The following SPPL3 variants were observed in gnomAD, a reference collection of about 807,000 sequenced individuals.
SPPL3 encodes the protein signal peptide peptidase like 3.
Under a neutral mutation model 42.4 loss-of-function variants are expected in SPPL3, and 5 were observed. The ratio of observed to expected loss-of-function variants is 0.12; its 90% CI spans 0.06 to 0.25. The LOEUF (loss-of-function observed/expected upper bound fraction) is 0.25. Ranked by LOEUF, SPPL3 falls within the 10% of genes least tolerant of loss-of-function variation. The probability of loss-of-function intolerance (pLI) is 1.00; values close to 1 mark genes in which losing one functional copy is unlikely to be tolerated. For missense variants in SPPL3, 235 were observed against 489.0 expected (o/e 0.48, Z 4.90); for synonymous variants, 195 against 181.8 (o/e 1.07, Z -0.58).
Position 120,766,303 on chromosome 12 carries a change from G to T in SPPL3, c.1043C>A (p.Pro348Gln). 1 of 1,600,142 alleles carries T rather than the reference G, an allele frequency of 6.2e-7. No homozygotes were observed. Among genetic ancestry groups the T allele is most frequent in the South Asian group, 1.1e-5 (1 of 88,140 alleles). The part of the protein sequence containing the change: ...AAQPALLYLV[P>Q]FTLLPLLTMA... Reference sequence around the variant, plus strand: ...CGTGAGGAGTGGCAATAAAGTAAATGGCACCAAATAGAGAAGGGCGGGCTG... The same window carrying T: ...CGTGAGGAGTGGCAATAAAGTAAATTGCACCAAATAGAGAAGGGCGGGCTG... The change falls in exon 10 of 11, where the codon CCA (proline) becomes CAA (glutamine). Residue 348 changes from proline (P) to glutamine (Q), a missense_variant. This residue lies in a region of SPPL3 where 38 missense variants were observed against 105.2 expected (regional missense o/e 0.36). Coordinates refer to ENST00000353487, the MANE Select transcript of SPPL3 (RefSeq NM_139015.5).
intron 2 of SPPL3, among the ~76,000 whole-genome samples, chr12:120,809,969 A>T (rs1053880925): frequency 7.6e-5 from 11 of 144,320 alleles, no homozygotes; most frequent in Non-Finnish European, 1.2e-4. Flanking sequence ...TTAGGACAAC[A>T]TAAAAAAATT....
intron 1 of SPPL3, among the ~76,000 whole-genome samples, chr12:120,900,581 G>A (rs1190355771): frequency 7.1e-5 from 10 of 140,642 alleles, no homozygotes; most frequent in Admixed American, 7.5e-5. Flanking sequence ...ATGATAAAGT[G>A]AGACCCTGTC....
intron 2 of SPPL3, among the ~76,000 whole-genome samples, chr12:120,809,927 A>G (rs1383995867): frequency 1.3e-5 from 2 of 152,196 alleles, no homozygotes; most frequent in Admixed American, 6.5e-5. Context: ...GTAAATTTCC[A>G]TAAGGACATA....
intron 4 of SPPL3, chr12:120,784,254 C>A: frequency 2.7e-6 from 1 of 372,090 alleles, no homozygotes; most frequent in Non-Finnish European, 4.9e-6. Context: ...TCCAGCCTTT[C>A]TTTCAGATTG....
chr12:120,845,256 G>A (rs2137029366), intron 1 of SPPL3: 2 of 387,338 alleles, frequency 5.2e-6, no homozygotes, highest in South Asian at 2.2e-5. Context: ...CTGCATTCAC[G>A]GCATTGGAGA....
chr12:120,795,022 C>T (rs569624587), intron 2 of SPPL3, among the ~76,000 whole-genome samples: 1 of 152,312 alleles, frequency 6.6e-6, no homozygotes, highest in Admixed American at 6.5e-5. Context: ...TTATTTCCCT[C>T]CCTCAACCTT....
intron 1 of SPPL3, among the ~76,000 whole-genome samples, chr12:120,870,539 CA>C (rs998175711): frequency 4.6e-5 from 7 of 152,142 alleles, no homozygotes; most frequent in Admixed American, 2.0e-4. Flanking sequence ...GCAATGTTCA[CA>C]GCAGCATTAT....
At chr12:120,781,418 T>C (rs1033710651) in intron 6 of SPPL3, among the ~76,000 whole-genome samples, 13 of 152,044 alleles carry the variant, frequency 8.6e-5, no homozygotes, top group African/African-American at 3.1e-4. Context: ...TGTATTTATA[T>C]CATTAAAGTG....
chr12:120,892,984 G>GAAA (rs11373013), intron 1 of SPPL3, among the ~76,000 whole-genome samples: 13,097 of 126,000 alleles, frequency 0.1, 976 homozygotes, highest in East Asian at 0.3. Flanking sequence ...TCTGTCTCGG[G>GAAA]AAAAAAAAAA....
chr12:120,830,883 G>A (rs1335824355), intron 1 of SPPL3, among the ~76,000 whole-genome samples: 1 of 152,088 alleles, frequency 6.6e-6, no homozygotes, highest in African/African-American at 2.4e-5. Flanking sequence ...CTGAGCTAAA[G>A]GATGCCCAGC....
Position 120,840,124 on chromosome 12 carries a change from C to T in SPPL3, c.24-29238G>A, listed in dbSNP as rs377701674. On this transcript the variant is annotated intron_variant, in intron 1 of 10. Coordinates refer to ENST00000353487, the MANE Select transcript of SPPL3 (RefSeq NM_139015.5). ...TGGAACCCCGTCTCTACTAAAAATA[C>T]AAAAATTATCTGGGCTGGGTGGCAG... Among the ~76,000 whole-genome samples the T allele has an allele frequency of 2.6e-4, 39 of 151,494 alleles. No individual in the cohort carries two copies. In the East Asian group the frequency reaches 3.7e-3, roughly 14 times the overall value.
At chr12:120,862,940 G>C (rs1284897898) in intron 1 of SPPL3, among the ~76,000 whole-genome samples, 1 of 152,196 alleles carries the variant, frequency 6.6e-6, no homozygotes, top group East Asian at 1.9e-4. Flanking sequence ...GGTTGAAAGG[G>C]ACTTCTCATG....
intron 1 of SPPL3, among the ~76,000 whole-genome samples, chr12:120,836,925 T>TA (rs921681286): frequency 3.9e-5 from 6 of 152,108 alleles, no homozygotes; most frequent in African/African-American, 1.4e-4. Flanking sequence ...ATTGTGTTGT[T>TA]AAGAGTTTTA....
chr12:120,895,693 T>C (rs1240729214), intron 1 of SPPL3, among the ~76,000 whole-genome samples: 1 of 152,230 alleles, frequency 6.6e-6, no homozygotes, highest in African/African-American at 2.4e-5. Flanking sequence ...AACAGCGTGC[T>C]TTCACGGAGC....
At chr12:120,882,301 G>A (rs578173074) in intron 1 of SPPL3, among the ~76,000 whole-genome samples, 1 of 152,274 alleles carries the variant, frequency 6.6e-6, no homozygotes, top group Admixed American at 6.5e-5. Flanking sequence ...ACTGTATACA[G>A]TGTCAATCTG....
intron 1 of SPPL3, among the ~76,000 whole-genome samples, chr12:120,822,181 T>C (rs7135147): frequency 0.24 from 36,385 of 152,044 alleles, 5,557 homozygotes; most frequent in African/African-American, 0.42. Flanking sequence ...GTGGTGACTG[T>C]TGCACAAAAC....
intron 1 of SPPL3, among the ~76,000 whole-genome samples, chr12:120,852,161 T>G (rs1482116107): frequency 6.6e-6 from 1 of 152,074 alleles, no homozygotes; most frequent in Admixed American, 6.6e-5. Flanking sequence ...ACTCCTGCTC[T>G]GACGAAAGTG....
intron 6 of SPPL3, among the ~76,000 whole-genome samples, chr12:120,773,399 A>C (rs1242251892): frequency 2.0e-5 from 3 of 152,220 alleles, no homozygotes; most frequent in Non-Finnish European, 4.4e-5. Flanking sequence ...TTACAGGTGA[A>C]TACATGGAAT....
rs142377378 is a variant in SPPL3 at position 120,764,784 on chromosome 12, C to T, written c.*215G>A. On this transcript the variant is annotated 3_prime_UTR_variant, in exon 11 of 11. Coordinates refer to ENST00000353487, the MANE Select transcript of SPPL3 (RefSeq NM_139015.5). The stretch of plus-strand genomic sequence containing the variant: ...AGAGGCCTGTCCCTCTTGGAAGGGG[C>T]CCCACCTCTACATCCGCAGGAAGAG... 40 of 535,972 alleles carry T rather than the reference C, an allele frequency of 7.5e-5. No homozygotes were observed. The highest frequency in any genetic ancestry group is 7.3e-4 in the African/African-American group (38 of 51,940). The allele number at this position is 535,972 out of a possible 1,614,324, so 33.2% of individuals were successfully genotyped here.
Sources: gnomAD v4.1 joint callset for allele counts (sites outside exome capture counted in the v4.1 genomes callset) on GRCh38, gnomAD v4.1.1 for gene constraint, gnomAD v4.1.1 regional missense constraint, MANE v1.5 for transcripts, NCBI Gene and HGNC (gene_info 2026-07-23, HGNC 2026-07-21) for gene names.